The following MTMR8 variants were observed in gnomAD, a reference collection of about 807,000 sequenced individuals.
MTMR8 encodes the protein phosphatidylinositol-3,5-bisphosphate 3-phosphatase MTMR8.
In MTMR8, 65 loss-of-function variants were observed where a neutral mutation model predicts 39.3. The ratio of observed to expected loss-of-function variants is 1.65; its 90% CI spans 1.35 to 2.03. The LOEUF (loss-of-function observed/expected upper bound fraction) is 2.03, where lower values mean the gene tolerates loss of function less well. MTMR8 is among the 30% of genes most tolerant of loss of function. MTMR8 has a pLI of 0.00. For synonymous variants in MTMR8, 245 were observed against 185.2 expected (o/e 1.32, Z -2.62); for missense variants, 777 against 538.9 (o/e 1.44, Z -4.37).
chrX:64,269,991 G>T (rs1174612379), intron 13 of MTMR8, among the ~76,000 whole-genome samples: 1 of 111,033 alleles, frequency 9.0e-6, no homozygotes, highest in African/African-American at 3.3e-5. Context: ...GAGAGGGCTG[G>T]GTCAATAATA....
At chrX:64,278,164 GA>G (rs1420388671) in intron 12 of MTMR8, among the ~76,000 whole-genome samples, 2 of 109,068 alleles carry the variant, frequency 1.8e-5, no homozygotes, top group African/African-American at 6.7e-5. Context: ...TCCTTGAATT[GA>G]GTTAGAAAAT....
chrX:64,295,396 A>G (rs1451643474), intron 12 of MTMR8, among the ~76,000 whole-genome samples: 1 of 111,673 alleles, frequency 9.0e-6, no homozygotes, highest in Non-Finnish European at 1.9e-5. Context: ...GGAAATCTTC[A>G]TGACATGGAA....
At chrX:64,272,611 A>G (rs1647688547) in intron 12 of MTMR8, among the ~76,000 whole-genome samples, 1 of 111,864 alleles carries the variant, frequency 8.9e-6, no homozygotes, top group African/African-American at 3.2e-5. Flanking sequence ...ATCTTATTTA[A>G]AGAAGTAATG....
At chrX:64,310,406 C>T (rs1602123816) in intron 12 of MTMR8, among the ~76,000 whole-genome samples, 1 of 111,546 alleles carries the variant, frequency 9.0e-6, no homozygotes. Context: ...AAGTCTTGAA[C>T]TCATCAAAAT....
At chrX:64,329,203 G>GT (rs938200325) in intron 11 of MTMR8, among the ~76,000 whole-genome samples, 4 of 111,355 alleles carry the variant, frequency 3.6e-5, no homozygotes, top group Admixed American at 1.9e-4. Flanking sequence ...AAAATCCCGA[G>GT]TTTTTTTCTG....
rs780025069 is a variant in MTMR8 at position 64,281,089 on chromosome X, G to A, written c.1482-10016C>T. 6.3e-5 allele frequency among the ~76,000 whole-genome samples: 7 copies of A among 111,822 alleles called. No homozygotes were observed. The South Asian group carries it at 2.6e-3, about 42-fold the overall frequency. On this transcript the variant is annotated intron_variant, in intron 12 of 13. Transcript: ENST00000374852. ...GAAAAACATTGCATCCTCATGGATA[G>A]GAAGAATCAGTATCACGAAAATGGC...
chrX:64,304,194 G>A (rs771429700), intron 12 of MTMR8, among the ~76,000 whole-genome samples: 1 of 112,031 alleles, frequency 8.9e-6, no homozygotes, highest in East Asian at 2.8e-4. Flanking sequence ...GAGGAAAAGG[G>A]GTAAGGGGAA....
At chrX:64,321,192 C>T (rs1229752895) in intron 12 of MTMR8, among the ~76,000 whole-genome samples, 2 of 111,442 alleles carry the variant, frequency 1.8e-5, no homozygotes, top group East Asian at 5.6e-4. Flanking sequence ...AAAACGTATG[C>T]CCCATTCATA....
intron 12 of MTMR8, among the ~76,000 whole-genome samples, chrX:64,284,317 G>A (rs935136408): frequency 8.9e-6 from 1 of 111,928 alleles, no homozygotes; most frequent in Non-Finnish European, 1.9e-5. Context: ...AAAAATATGG[G>A]ACTATGTGAA....
At chrX:64,320,012 G>T (rs903926105) in intron 12 of MTMR8, among the ~76,000 whole-genome samples, 2 of 111,228 alleles carry the variant, frequency 1.8e-5, no homozygotes, top group African/African-American at 6.6e-5. Context: ...CCATTTTCAC[G>T]ATATTGATTC....
At chrX:64,319,445 T>C (rs1038222970) in intron 12 of MTMR8, among the ~76,000 whole-genome samples, 1 of 112,421 alleles carries the variant, frequency 8.9e-6, no homozygotes, top group Non-Finnish European at 1.9e-5. Context: ...TTGTGGACAT[T>C]GCACTTGGTG....
chrX:64,369,381 T>C (rs1924066660), intron 1 of MTMR8, among the ~76,000 whole-genome samples: 1 of 111,891 alleles, frequency 8.9e-6, no homozygotes, highest in African/African-American at 3.3e-5. Context: ...CCATCAATGA[T>C]AGACGGGATT....
At chrX:64,297,918 T>A (rs1206091132) in intron 12 of MTMR8, among the ~76,000 whole-genome samples, 1 of 99,795 alleles carries the variant, frequency 1.0e-5, no homozygotes, top group Non-Finnish European at 2.0e-5. Context: ...TTCTGAGGGC[T>A]CTGTTCTGTT....
chrX:64,378,787 A>T (rs1460381263), intron 1 of MTMR8, among the ~76,000 whole-genome samples: 2 of 111,758 alleles, frequency 1.8e-5, no homozygotes, highest in Non-Finnish European at 3.8e-5. Flanking sequence ...CTGAAATATT[A>T]TAGAGTAGAA....
chrX:64,350,605 T>C (rs913978463), intron 4 of MTMR8, among the ~76,000 whole-genome samples: 1 of 111,461 alleles, frequency 9.0e-6, no homozygotes, highest in African/African-American at 3.3e-5. Context: ...AGCTAGCTAA[T>C]GCTTGAGTGA....
intron 1 of MTMR8, among the ~76,000 whole-genome samples, chrX:64,370,759 C>G (rs1209540815): frequency 8.9e-6 from 1 of 111,813 alleles, no homozygotes; most frequent in South Asian, 3.7e-4. Flanking sequence ...GTTGTTCACA[C>G]AATGACAAAA....
At chrX:64,283,793 G>C (rs1921048955) in intron 12 of MTMR8, among the ~76,000 whole-genome samples, 1 of 112,369 alleles carries the variant, frequency 8.9e-6, no homozygotes, top group Non-Finnish European at 1.9e-5. Flanking sequence ...CTAACAAACA[G>C]AAAGGACATC....
intron 12 of MTMR8, among the ~76,000 whole-genome samples, chrX:64,316,168 G>T (rs1382789249): frequency 8.9e-6 from 1 of 111,878 alleles, no homozygotes; most frequent in South Asian, 3.7e-4. Context: ...AAAGTCTATT[G>T]TATTTATACA....
rs1469153489 is a variant in MTMR8, at chrX:64,268,706, G to A, written c.1946C>T (p.Ser649Phe). ...GGCCCCACAGATTCCTAAGTCTTTGGAGAAGCCCGTAGCCTCAAAGGTGCA... is the reference window on the plus strand; with the variant it reads ...GGCCCCACAGATTCCTAAGTCTTTGAAGAAGCCCGTAGCCTCAAAGGTGCA... ...DMCTFEATGF[S>F]KDLGICGAMD... is the part of the protein sequence containing the mutation. The change falls in exon 14 of 14, where the codon TCC (serine) becomes TTC (phenylalanine). Residue 649 changes from serine to phenylalanine, a missense_variant. Ser to Phe is a radical substitution (Grantham distance 155). Coordinates refer to ENST00000374852, the MANE Select transcript of MTMR8 (RefSeq NM_017677.4). 3.3e-6 allele frequency: 4 copies of A among 1,209,606 alleles called. No individual in the cohort carries two copies. Among genetic ancestry groups the A allele is most frequent in the Non-Finnish European group, 3.4e-6 (3 of 895,200 alleles).
Sources: allele counts gnomAD v4.1 joint callset (sites outside exome capture counted in the v4.1 genomes callset), GRCh38; gene constraint gnomAD v4.1.1; transcripts MANE v1.5; gene names NCBI Gene and HGNC (gene_info 2026-07-23, HGNC 2026-07-21).